Variants in PSME2 observed in about 807,000 individuals in gnomAD.
PSME2 encodes the protein proteasome activator complex subunit 2.
In PSME2, 20 loss-of-function variants were observed where a neutral mutation model predicts 38.8. That is an observed-to-expected ratio of 0.52 (90% CI 0.36 to 0.75). The LOEUF (loss-of-function observed/expected upper bound fraction) is 0.75, where lower values mean the gene tolerates loss of function less well. Ranked by LOEUF, PSME2 falls within the 30% of genes least tolerant of loss-of-function variation. The pLI is 0.00. For missense variants in PSME2, 227 were observed against 287.6 expected (o/e 0.79, Z 1.52); for synonymous variants, 82 against 102.5 (o/e 0.80, Z 1.21).
chr14:24,144,299 TCCCC>T (rs777002502), intron 7 of PSME2, 40 bp from the exon 8 acceptor site: 3 of 1,612,722 alleles, frequency 1.9e-6, no homozygotes, highest in Non-Finnish European at 2.5e-6. Context: ...CTTCATGTCC[TCCCC>T]ATTTCATACA....
In PSME2 at chr14:24,146,603, C is replaced by T; in HGVS notation, c.-22G>A. The T allele has an allele frequency of 6.2e-7, 1 of 1,612,442 alleles. No individual in the cohort carries two copies. Among genetic ancestry groups the T allele is most frequent in the Non-Finnish European group, 8.5e-7 (1 of 1,180,016 alleles). Reference sequence around the variant, plus strand: ...CCATGCTGCTTCAGTCGCTAGATCTCTGGTCTCCCGGCTAGTCGCCCGGGC... The same window carrying T: ...CCATGCTGCTTCAGTCGCTAGATCTTTGGTCTCCCGGCTAGTCGCCCGGGC... On this transcript the variant is annotated 5_prime_UTR_variant, in exon 1 of 11. Coordinates refer to ENST00000216802, the MANE Select transcript of PSME2 (RefSeq NM_002818.3).
At chr14:24,144,607 A>C (rs985093851) in intron 6 of PSME2, 139 bp from the exon 7 acceptor site, 5 of 805,324 alleles carry the variant, frequency 6.2e-6, no homozygotes, top group Non-Finnish European at 6.1e-6. Flanking sequence ...TATTTCATGT[A>C]ATCATCACAG....
intron 6 of PSME2, 125 bp downstream of exon 6, chr14:24,144,933 A>T: frequency 1.1e-6 from 1 of 952,372 alleles, no homozygotes; most frequent in Non-Finnish European, 1.6e-6. Flanking sequence ...TCTAAGCCCA[A>T]GGCACAGAAG....
intron 3 of PSME2, 115 bp downstream of exon 3, chr14:24,145,595 C>CAATT: frequency 6.8e-7 from 1 of 1,464,566 alleles, no homozygotes. Flanking sequence ...TCCTAATGTT[C>CAATT]CTAATCCACT....
At position 24,145,974 on chromosome 14, in the gene PSME2, C is replaced by T. The variant is rs544640723; in HGVS notation, c.82-202G>A. 20 of 817,218 alleles carry T rather than the reference C, an allele frequency of 2.4e-5. No individual in the cohort carries two copies. The East Asian group carries it at 5.3e-4, about 22-fold the overall frequency. The allele number at this position is 817,218 out of a possible 1,614,324, so 50.6% of individuals were successfully genotyped here. A position where few individuals can be genotyped will look rare whatever the true frequency, so the allele number is the denominator to read the frequency against. Reference sequence around the variant, plus strand: ...ACTGTGATATTCCTGCTTTGGAAGCCATGGTTTTTTTCCTCCACATCAAAA... The same window carrying T: ...ACTGTGATATTCCTGCTTTGGAAGCTATGGTTTTTTTCCTCCACATCAAAA... On this transcript the variant is annotated intron_variant, in intron 2 of 10. Transcript: ENST00000216802.
chr14:24,146,195 T>C lies in PSME2; in HGVS notation c.81+13A>G. The C allele has an allele frequency of 6.2e-7, 1 of 1,613,064 alleles. No individual in the cohort carries two copies. Among genetic ancestry groups the C allele is most frequent in the Non-Finnish European group, 8.5e-7 (1 of 1,179,224 alleles). On this transcript the variant is annotated intron_variant, in intron 2 of 10. Transcript: ENST00000216802. The stretch of plus-strand genomic sequence containing the variant: ...AAGATTCTGGGTCAAATCGCTCAAA[T>C]CCAGAGACTTACCTCCTGGAAAAGA...
chr14:24,146,318 G>T, intron 1 of PSME2, 78 bp from the exon 2 acceptor site: 1 of 1,558,242 alleles, frequency 6.4e-7, no homozygotes. Context: ...GGGTGCCCTC[G>T]AACTGTGGCT....
Position 24,145,070 on chromosome 14 carries a change from C to T in PSME2, c.348G>A (p.Glu116=), listed in dbSNP as rs1251894948. The change falls in exon 6 of 11, where the codon GAG becomes GAA. Residue 116 remains glutamate (E), a synonymous_variant. Transcript: ENST00000216802. ...LVKPEVWTLK[E]KCILVITWIQ... ...TTCCCAGGCTTACCAGAATGCATTT[C>T]TCTTTGAGAGTCCAGACTTCTGGCT... The T allele has an allele frequency of 2.5e-6, 4 of 1,612,966 alleles. No homozygotes were observed. Among genetic ancestry groups the T allele is most frequent in the East Asian group, 2.2e-5 (1 of 44,894 alleles).
Position 24,145,735 on chromosome 14 carries a change from A to T in PSME2, c.119T>A (p.Ile40Asn). ...EFLYRFLPQK[I>N]IYLNQLLQED... ...TTGCAAGAGCTGATTCAGGTATATG[A>T]TTTTCTGTGGCAAGAATCTGTAGAG... The change falls in exon 3 of 11, where the codon ATC becomes AAC. Residue 40 changes from isoleucine to asparagine, a missense_variant. Around this residue, in one of 3 missense-constraint regions of PSME2, gnomAD observed 80 missense variants for 77.3 expected, o/e 1.04. Coordinates refer to ENST00000216802, the MANE Select transcript of PSME2 (RefSeq NM_002818.3). 6.2e-7 allele frequency: 1 copy of T among 1,613,980 alleles called. No homozygotes were observed. The highest frequency in any genetic ancestry group is 8.5e-7 in the Non-Finnish European group (1 of 1,179,938).
rs2038156576 is a variant in PSME2 at position 24,146,365 on chromosome 14, G to A, written c.49-125C>T. On this transcript the variant is annotated intron_variant, in intron 1 of 10. Transcript: ENST00000216802. ...CACCACAAACTAGCTTTCCCTGGAA[G>A]CTCCTGCTCACTGCAGTCAGAAGGC... 3 of 1,440,774 alleles carry A rather than the reference G, an allele frequency of 2.1e-6. No homozygotes were observed. The East Asian group carries it at 6.8e-5, about 33-fold the overall frequency. 89.2% of individuals were successfully genotyped at this position (1,440,774 alleles called of 1,614,324 possible). A position where few individuals can be genotyped will look rare whatever the true frequency, so the allele number is the denominator to read the frequency against.
chr14:24,146,278 C>A, intron 1 of PSME2, 38 bp from the exon 2 acceptor site: 1 of 1,611,832 alleles, frequency 6.2e-7, no homozygotes, highest in South Asian at 1.1e-5. Flanking sequence ...GGTTAAGGGT[C>A]TGGGTTGTCA....
At chr14:24,145,686 G>C in intron 3 of PSME2, 24 bp downstream of exon 3, 1 of 1,607,504 alleles carries the variant, frequency 6.2e-7, no homozygotes, top group Non-Finnish European at 8.5e-7. Flanking sequence ...ATAGGATGGG[G>C]CAGAAGGGGC....
intron 1 of PSME2, 46 bp from the exon 2 acceptor site, chr14:24,146,286 T>C (rs1337789550): frequency 6.2e-7 from 1 of 1,606,798 alleles, no homozygotes; most frequent in Non-Finnish European, 8.5e-7. Flanking sequence ...GTCTGGGTTG[T>C]CAAAAGCTTC....
In PSME2 at chr14:24,143,834, G is replaced by T; in HGVS notation, c.552+141C>A. On this transcript the variant is annotated intron_variant, in intron 9 of 10. Transcript: ENST00000216802. This position sits in a 1 kb window ranked among gnomAD's most constrained non-coding sequence, Gnocchi z 4.4. The stretch of plus-strand genomic sequence containing the variant: ...AGAGAAAAGGGTCAAGGTTGTTGAA[G>T]CCCAAACCAGTTTTTCTAGGTAATG... The T allele has an allele frequency of 2.3e-6, 3 of 1,318,852 alleles. No homozygotes were observed. Among genetic ancestry groups the T allele is most frequent in the Non-Finnish European group, 2.1e-6 (2 of 931,086 alleles). The allele number at this position is 1,318,852 out of a possible 1,614,324, so 81.7% of individuals were successfully genotyped here.
Position 24,146,584 on chromosome 14 carries a change from T to A in PSME2, c.-3A>T. 1 of 1,613,458 alleles carries A rather than the reference T, an allele frequency of 6.2e-7. No homozygotes were observed. ...CGCACCCCACACGGCTTGGCCATGC[T>A]GCTTCAGTCGCTAGATCTCTGGTCT... On this transcript the variant is annotated 5_prime_UTR_variant, in exon 1 of 11. Transcript: ENST00000216802.
chr14:24,144,757 G>C (rs2038124790), intron 6 of PSME2: 1 of 569,918 alleles, frequency 1.8e-6, no homozygotes, highest in Non-Finnish European at 3.1e-6. Context: ...TCTCTCTCTA[G>C]GGTCCAATCT....
rs1312700213 is a variant in PSME2 at position 24,144,449 on chromosome 14, T to C, written c.380A>G (p.His127Arg). 2 of 1,613,186 alleles carry C rather than the reference T, an allele frequency of 1.2e-6. No homozygotes were observed. Among genetic ancestry groups the C allele is most frequent in the Non-Finnish European group, 1.7e-6 (2 of 1,179,100 alleles). The change falls in exon 7 of 11, where the codon CAC becomes CGC. Residue 127 changes from histidine to arginine, a missense_variant. Physicochemically the swap from His to Arg is conservative, Grantham distance 29 (BLOSUM62 0). This residue lies in a region of PSME2 where 48 missense variants were observed against 96.4 expected (regional missense o/e 0.50). Coordinates refer to ENST00000216802, the MANE Select transcript of PSME2 (RefSeq NM_002818.3). The part of the protein sequence containing the change: ...KCILVITWIQ[H>R]LIPKIEDGND... Reference sequence around the variant, plus strand: ...TCCATCTTCAATCTTGGGGATCAGGTGTTGGATCCATGTAATCACCTGTGT... The same window carrying C: ...TCCATCTTCAATCTTGGGGATCAGGCGTTGGATCCATGTAATCACCTGTGT...
chr14:24,146,389 G>A, intron 1 of PSME2, 145 bp downstream of exon 1: 1 of 1,423,948 alleles, frequency 7.0e-7, no homozygotes, highest in Non-Finnish European at 9.8e-7. Context: ...CAGTCAGAAG[G>A]CAGGAATCTG....
chr14:24,145,845 G>A, intron 2 of PSME2, 73 bp from the exon 3 acceptor site: 1 of 1,490,308 alleles, frequency 6.7e-7, no homozygotes. Flanking sequence ...GGAACTGGAA[G>A]GGCCTTTGGA....
Sources: allele counts gnomAD v4.1 joint callset, GRCh38; gene constraint gnomAD v4.1.1; regional missense constraint gnomAD v4.1.1; non-coding constraint Gnocchi (gnomAD v3.1); transcripts MANE v1.5; gene names NCBI Gene and HGNC (gene_info 2026-07-23, HGNC 2026-07-21).